Variants in CD8A observed in about 807,000 individuals in gnomAD.
CD8A encodes the protein CD8 subunit alpha, also known as T-cell surface glycoprotein CD8 alpha chain.
A neutral mutation model predicts 24.2 loss-of-function variants in CD8A; 25 were observed. That is an observed-to-expected ratio of 1.03 (90% CI 0.75 to 1.44). The LOEUF (loss-of-function observed/expected upper bound fraction) is 1.44. Ranked by LOEUF, CD8A falls within the 40% of genes most tolerant of loss-of-function variation. The pLI is 0.00. For synonymous variants in CD8A, 165 were observed against 149.9 expected (o/e 1.10, Z -0.74); for missense variants, 360 against 319.7 (o/e 1.13, Z -0.96).
chr2:86,789,580 C>A, intron 3 of CD8A, 60 bp downstream of exon 3: 2 of 1,359,502 alleles, frequency 1.5e-6, no homozygotes, highest in South Asian at 2.5e-5. Flanking sequence ...AGGGCTGTCC[C>A]TGGCATGGGC....
chr2:86,805,718 A>AT (rs1192605616), intron 2 of CD8A, among the ~76,000 whole-genome samples: 2 of 151,836 alleles, frequency 1.3e-5, no homozygotes, highest in South Asian at 4.2e-4. Flanking sequence ...TAAAATACGA[A>AT]TTTTTTTGAT....
chr2:86,788,346 CAA>C (rs1399907713), intron 5 of CD8A, among the ~76,000 whole-genome samples, 182 bp downstream of exon 5: 2 of 148,712 alleles, frequency 1.3e-5, no homozygotes, highest in African/African-American at 2.5e-5. Context: ...TCCTTTTTCT[CAA>C]AGACACAGGC....
At chr2:86,803,068 T>A (rs76893798) in intron 2 of CD8A, among the ~76,000 whole-genome samples, 2 of 152,344 alleles carry the variant, frequency 1.3e-5, no homozygotes, top group East Asian at 1.9e-4. Context: ...TTTTCTTTTT[T>A]AAAAATCAAC....
rs537395900 is a variant in CD8A at position 86,790,543 on chromosome 2, G to C, written c.188C>G (p.Ala63Gly). Residue 63 changes from alanine (A) to glycine (G), a missense_variant, in exon 2 of 6, where the codon GCC (alanine) becomes GGC (glycine). Coordinates refer to ENST00000283635, the MANE Select transcript of CD8A (RefSeq NM_001768.7). ...TAGGAGGAAGGTGGGACTGGCGGCG[G>C]CGCCGCGCGGCTGGAAGAGCCACGA... ...GCSWLFQPRGAAASPTFLLYL... is the reference protein window; with the variant it reads ...GCSWLFQPRGGAASPTFLLYL... 6.7e-5 allele frequency: 108 copies of C among 1,613,416 alleles called. 2 individuals carry two copies. In the Admixed American group the frequency reaches 1.8e-3, roughly 27 times the overall value.
At chr2:86,787,642 T>C (rs1673071892) in intron 5 of CD8A, among the ~76,000 whole-genome samples, 1 of 152,176 alleles carries the variant, frequency 6.6e-6, no homozygotes, top group African/African-American at 2.4e-5. Flanking sequence ...AAAAAATCTA[T>C]AAAGCAAGTA....
chr2:86,785,032 T>C lies in CD8A; in HGVS notation c.*888A>G, dbSNP rs1298107479. ...TCATCAGTGATCCCAGGAACATGTT[T>C]GTATCTCAAATTCAGAGATTCAAGA... On this transcript the variant is annotated 3_prime_UTR_variant, in exon 6 of 6. Transcript: ENST00000283635. The C allele has an allele frequency of 2.2e-6, 1 of 454,116 alleles. No individual in the cohort carries two copies. Among genetic ancestry groups the C allele is most frequent in the East Asian group, 7.0e-5 (1 of 14,380 alleles). 28.1% of individuals were successfully genotyped at this position (454,116 alleles called of 1,614,324 possible).
At chr2:86,799,345 C>T (rs936950519) in intron 3 of CD8A, among the ~76,000 whole-genome samples, 3 of 152,148 alleles carry the variant, frequency 2.0e-5, no homozygotes, top group Non-Finnish European at 2.9e-5. Flanking sequence ...GAGGTGGGCA[C>T]GTAATCCTCT....
At chr2:86,795,898 G>A (rs538007044), upstream of CD8A, among the ~76,000 whole-genome samples, 314 of 152,186 alleles carry the variant, frequency 2.1e-3, 1 homozygote, top group African/African-American at 7.0e-3. Flanking sequence ...ACACACACTC[G>A]AAATTCAAAG....
upstream of CD8A, among the ~76,000 whole-genome samples, chr2:86,794,853 C>T (rs143517115): frequency 5.3e-5 from 8 of 152,292 alleles, no homozygotes; most frequent in African/African-American, 1.7e-4. Flanking sequence ...GGTTCCGCAT[C>T]TCTCATTTCT....
At chr2:86,791,724 C>T (rs1462409570), upstream of CD8A, 1 of 446,782 alleles carries the variant, frequency 2.2e-6, no homozygotes, top group Non-Finnish European at 4.5e-6. Context: ...TGGCTCCTCC[C>T]AGCCTCCGCA....
At chr2:86,801,033 G>A (rs1190626714) in intron 3 of CD8A, among the ~76,000 whole-genome samples, 1 of 152,162 alleles carries the variant, frequency 6.6e-6, no homozygotes, top group Non-Finnish European at 1.5e-5. Flanking sequence ...AAGATTGCCA[G>A]CAACTGACTA....
At chr2:86,803,949 C>T (rs1226345106) in intron 2 of CD8A, among the ~76,000 whole-genome samples, 2 of 152,214 alleles carry the variant, frequency 1.3e-5, no homozygotes, top group Non-Finnish European at 2.9e-5. Context: ...CCTAAGGATA[C>T]GAAGTAGCAA....
intron 3 of CD8A, among the ~76,000 whole-genome samples, chr2:86,798,528 C>CTT (rs34242639): frequency 7.1e-4 from 102 of 143,874 alleles, no homozygotes; most frequent in African/African-American, 1.2e-3. Flanking sequence ...TTTCCTTTTT[C>CTT]TTTTTTTTTT....
rs558979573 is a variant in CD8A at position 86,788,632 on chromosome 2, T to C, written c.626-72A>G. 4 of 1,394,130 alleles carry C rather than the reference T, an allele frequency of 2.9e-6. No individual in the cohort carries two copies. In the South Asian group the frequency reaches 4.7e-5, roughly 16 times the overall value. 86.4% of individuals were successfully genotyped at this position (1,394,130 alleles called of 1,614,324 possible). On this transcript the variant is annotated intron_variant, in intron 4 of 5. Transcript: ENST00000283635. ...ATAGTCCCCAAAGACAGTGTATTTTTTGTTGTTGCTGTTGTTGTTGCTGCT... is the reference window on the plus strand; with the variant it reads ...ATAGTCCCCAAAGACAGTGTATTTTCTGTTGTTGCTGTTGTTGTTGCTGCT...
At chr2:86,800,693 C>CA (rs753665742) in intron 3 of CD8A, among the ~76,000 whole-genome samples, 48 of 152,216 alleles carry the variant, frequency 3.2e-4, no homozygotes, top group Admixed American at 5.9e-4. Context: ...AAAATGGTAA[C>CA]AAACCCATGT....
intron 3 of CD8A, among the ~76,000 whole-genome samples, chr2:86,797,307 C>T (rs1421308753): frequency 6.6e-6 from 1 of 151,984 alleles, no homozygotes; most frequent in Non-Finnish European, 1.5e-5. Context: ...GTATATGGAA[C>T]CTTCAGGGAA....
At chr2:86,787,905 G>C (rs1368980902) in intron 5 of CD8A, among the ~76,000 whole-genome samples, 1 of 151,810 alleles carries the variant, frequency 6.6e-6, no homozygotes, top group South Asian at 2.1e-4. Flanking sequence ...GAGAGTGTGT[G>C]TGTGTGTGTG....
intron 2 of CD8A, among the ~76,000 whole-genome samples, chr2:86,804,435 T>A (rs1573471864): frequency 6.7e-6 from 1 of 150,200 alleles, no homozygotes; most frequent in East Asian, 1.9e-4. Context: ...GAGGGAGGAG[T>A]GGGAGTTATG....
chr2:86,806,619 G>A (rs1436147191), intron 2 of CD8A, among the ~76,000 whole-genome samples: 1 of 152,228 alleles, frequency 6.6e-6, no homozygotes, highest in Non-Finnish European at 1.5e-5. Context: ...GTTGGCTCAC[G>A]CATCTAATCC....
Sources: allele counts gnomAD v4.1 joint callset (sites outside exome capture counted in the v4.1 genomes callset), GRCh38; gene constraint gnomAD v4.1.1; transcripts MANE v1.5; gene names NCBI Gene and HGNC (gene_info 2026-07-23, HGNC 2026-07-21).